Variants in MMAA observed in about 807,000 individuals in gnomAD.
MMAA encodes metabolism of cobalamin associated A.
In MMAA, 41 loss-of-function variants were observed where a neutral mutation model predicts 45.0. That is an observed-to-expected ratio of 0.91 (90% CI 0.71 to 1.18). The LOEUF (loss-of-function observed/expected upper bound fraction) is 1.18. MMAA is among the 50% of genes most tolerant of loss of function. The pLI is 0.00. For missense variants in MMAA, 460 were observed against 495.7 expected (o/e 0.93, Z 0.68); for synonymous variants, 154 against 178.2 (o/e 0.86, Z 1.08).
chr4:145,638,313 G>A (rs140939878), intron 1 of MMAA, among the ~76,000 whole-genome samples: 2,066 of 152,262 alleles, frequency 0.014, 59 homozygotes, highest in African/African-American at 0.047. Context: ...AGCTTGCAGT[G>A]AGCCGAGATG....
chr4:145,642,525 G>A (rs767582850), intron 3 of MMAA, 40 bp downstream of exon 3: 1 of 1,613,048 alleles, frequency 6.2e-7, no homozygotes, highest in South Asian at 1.1e-5. Context: ...AGAGGTCTGG[G>A]GGCTTTCTGT....
rs754973022 is a variant in MMAA at position 145,642,370 on chromosome 4, T to TG, written c.450dup (p.Pro151AlafsTer19). On this transcript the variant is annotated frameshift_variant, in exon 3 of 7. Transcript: ENST00000649156. LOFTEE classifies it high-confidence loss of function. ...GATCTCTTTCCACCGTAGGATTGTC[T>TG]GGGCCCCCTGGTGCTGGAAAATCAA... 2.7e-5 allele frequency: 43 copies of TG among 1,613,934 alleles called. No homozygotes were observed. The highest frequency in any genetic ancestry group is 3.6e-5 in the Non-Finnish European group (42 of 1,180,002).
intron 3 of MMAA, among the ~76,000 whole-genome samples, chr4:145,645,138 T>C (rs549427653): frequency 6.6e-6 from 1 of 152,198 alleles, no homozygotes; most frequent in Non-Finnish European, 1.5e-5. Context: ...TATATTTGTG[T>C]AGCATTTACG....
At chr4:145,628,525 C>T (rs1436563782) in intron 1 of MMAA, among the ~76,000 whole-genome samples, 2 of 152,214 alleles carry the variant, frequency 1.3e-5, no homozygotes, top group Non-Finnish European at 2.9e-5. Context: ...TGAATCCTCA[C>T]ATGATGTCAC....
In MMAA at chr4:145,659,331, T is replaced by A. The variant is rs1006630209; in HGVS notation, c.*3897T>A. On this transcript the variant is annotated 3_prime_UTR_variant, in exon 7 of 7. Transcript: ENST00000649156. ...TATTAGTGGCACAAAAGCAGTTATA[T>A]TGAATGCTTTTGTTTTAGAGAAAAT... 2.0e-5 allele frequency: 3 copies of A among 152,200 alleles called. No homozygotes were observed. Among genetic ancestry groups the A allele is most frequent in the Non-Finnish European group, 4.4e-5 (3 of 68,036 alleles). 9.4% of individuals were successfully genotyped at this position (152,200 alleles called of 1,614,324 possible).
At chr4:145,640,294 A>G (rs1263061679) in intron 2 of MMAA, among the ~76,000 whole-genome samples, 3 of 151,614 alleles carry the variant, frequency 2.0e-5, no homozygotes, top group Non-Finnish European at 4.4e-5. Context: ...TGTATTTTTA[A>G]TAGAGACAGG....
chr4:145,623,692 C>T (rs1734135245), intron 1 of MMAA, among the ~76,000 whole-genome samples: 2 of 152,044 alleles, frequency 1.3e-5, no homozygotes, highest in Admixed American at 1.3e-4. Context: ...TATTTCAGAC[C>T]AGTAACAGAA....
At chr4:145,649,989 T>A (rs1282799847) in intron 4 of MMAA, among the ~76,000 whole-genome samples, 1 of 152,174 alleles carries the variant, frequency 6.6e-6, no homozygotes, top group Non-Finnish European at 1.5e-5. Flanking sequence ...TCACCCGGGC[T>A]GGAAGACAGT....
At chr4:145,642,848 G>A (rs954845687) in intron 3 of MMAA, 1 of 276,800 alleles carries the variant, frequency 3.6e-6, no homozygotes, top group African/African-American at 2.2e-5. Flanking sequence ...CAGAAAATAG[G>A]TCCTTACTCA....
rs1727915787 is a variant in MMAA, at chr4:145,645,876, G to A, written c.563-110G>A. 3 of 942,936 alleles carry A rather than the reference G, an allele frequency of 3.2e-6. No homozygotes were observed. The Admixed American group carries it at 5.9e-5, about 19-fold the overall frequency. 58.4% of individuals were successfully genotyped at this position (942,936 alleles called of 1,614,324 possible). A position where few individuals can be genotyped will look rare whatever the true frequency, so the allele number is the denominator to read the frequency against. ...GGAGAGAAGCTCAGTAATATGAAAT[G>A]CAGTTTGAGATTTAGGGAGAAATGG... On this transcript the variant is annotated intron_variant, in intron 3 of 6. Transcript: ENST00000649156.
intron 1 of MMAA, among the ~76,000 whole-genome samples, chr4:145,632,740 C>G (rs1248070410): frequency 4.6e-5 from 7 of 151,008 alleles, no homozygotes; most frequent in African/African-American, 1.5e-4. Context: ...TTTCAAATAG[C>G]CTGTCTTCAG....
In MMAA at chr4:145,639,458, C is replaced by T; in HGVS notation, c.319C>T (p.Leu107Phe). Residue 107 changes from leucine to phenylalanine, a missense_variant, in exon 2 of 7, where the codon CTT (leucine) becomes TTT (phenylalanine). Coordinates refer to ENST00000649156, the MANE Select transcript of MMAA (RefSeq NM_172250.3). ...GGCCTGTTTAGCAGAGGCCATAACTCTTGTAGAATCAACTCACAGCAGGAA... is the reference window on the plus strand; with the variant it reads ...GGCCTGTTTAGCAGAGGCCATAACTTTTGTAGAATCAACTCACAGCAGGAA... ...QRACLAEAIT[L>F]VESTHSRKKE... 6.2e-7 allele frequency: 1 copy of T among 1,614,156 alleles called. No individual in the cohort carries two copies. Among genetic ancestry groups the T allele is most frequent in the South Asian group, 1.1e-5 (1 of 91,076 alleles).
rs1553959017 is a variant in MMAA at position 145,653,993 on chromosome 4, G to C, written c.820-1G>C. ...TCATTAAATGTTTCTGATCTCTTTAGGGTATCAAAAGGGGTATAATCGAGA... is the reference window on the plus strand; with the variant it reads ...TCATTAAATGTTTCTGATCTCTTTACGGTATCAAAAGGGGTATAATCGAGA... On this transcript the variant is annotated splice_acceptor_variant, in intron 5 of 6. Transcript: ENST00000649156. LOFTEE classifies it high-confidence loss of function. 6.2e-7 allele frequency: 1 copy of C among 1,614,018 alleles called. No individual in the cohort carries two copies. The highest frequency in any genetic ancestry group is 1.7e-5 in the Admixed American group (1 of 60,022).
At chr4:145,654,933 T>G (rs1447228373) in intron 6 of MMAA, among the ~76,000 whole-genome samples, 1 of 152,222 alleles carries the variant, frequency 6.6e-6, no homozygotes, top group Non-Finnish European at 1.5e-5. Flanking sequence ...TGACCTTGAA[T>G]CAGTGTTTTA....
chr4:145,643,731 A>C (rs1220237855), intron 3 of MMAA, among the ~76,000 whole-genome samples: 1 of 152,186 alleles, frequency 6.6e-6, no homozygotes, highest in Non-Finnish European at 1.5e-5. Flanking sequence ...TAAGTACTTA[A>C]TGAAGGATTT....
intron 1 of MMAA, chr4:145,624,064 C>G: frequency 1.2e-6 from 1 of 812,232 alleles, no homozygotes. Context: ...GCTAACTGGT[C>G]AGACCCAGAA....
intron 1 of MMAA, chr4:145,626,154 T>C (rs1734202555): frequency 1.0e-5 from 5 of 486,344 alleles, no homozygotes; most frequent in Non-Finnish European, 1.8e-5. Context: ...ATTGATCTAG[T>C]TCTTTGATTT....
At chr4:145,636,360 A>G (rs960811760) in intron 1 of MMAA, among the ~76,000 whole-genome samples, 2 of 152,202 alleles carry the variant, frequency 1.3e-5, no homozygotes, top group African/African-American at 4.8e-5. Flanking sequence ...CTCTGTTTAA[A>G]AGTCTCATCA....
chr4:145,635,627 G>A (rs1727589682), intron 1 of MMAA, among the ~76,000 whole-genome samples: 1 of 152,164 alleles, frequency 6.6e-6, no homozygotes, highest in African/African-American at 2.4e-5. Flanking sequence ...GGTAATAGGA[G>A]GTAGTCATGG....
Sources: gnomAD v4.1 joint callset for allele counts (sites outside exome capture counted in the v4.1 genomes callset) on GRCh38, gnomAD v4.1.1 for gene constraint, MANE v1.5 for transcripts, NCBI Gene and HGNC (gene_info 2026-07-23, HGNC 2026-07-21) for gene names.